Variants in MCTP1 observed in about 807,000 individuals in gnomAD.
The protein encoded by MCTP1 is multiple C2 and transmembrane domain containing 1, also known as multiple C2 and transmembrane domain-containing protein 1.
In MCTP1, 69 loss-of-function variants were observed where a neutral mutation model predicts 120.6. The observed-to-expected ratio is 0.57, with a 90% CI of 0.47 to 0.70. The LOEUF (loss-of-function observed/expected upper bound fraction) is 0.70, where lower values mean the gene tolerates loss of function less well. Ranked by LOEUF, MCTP1 falls within the 30% of genes least tolerant of loss-of-function variation. The probability of loss-of-function intolerance (pLI) is 0.00; values close to 1 mark genes in which losing one functional copy is unlikely to be tolerated. For missense variants in MCTP1, 1,203 were observed against 1,248.8 expected, an observed-to-expected ratio of 0.96 and a Z score of 0.55; for synonymous variants, 529 against 493.1, an observed-to-expected ratio of 1.07 and a Z score of -0.96.
intron 17 of MCTP1, among the ~76,000 whole-genome samples, chr5:94,862,207 G>C (rs1031270658): frequency 6.6e-6 from 1 of 151,598 alleles, no homozygotes. Context: ...GAAGAGCAGC[G>C]ATCATAGGAA....
intron 1 of MCTP1, among the ~76,000 whole-genome samples, chr5:95,169,357 C>CT (rs1347698281): frequency 6.6e-6 from 1 of 152,092 alleles, no homozygotes; most frequent in Non-Finnish European, 1.5e-5. Context: ...CTATAATTCT[C>CT]TTTTTTTGTG....
intron 1 of MCTP1, among the ~76,000 whole-genome samples, chr5:95,220,053 C>T (rs1753507751): frequency 6.6e-6 from 1 of 152,176 alleles, no homozygotes; most frequent in South Asian, 2.1e-4. Flanking sequence ...CTTGAACTAA[C>T]TTGCAAAGGT....
chr5:95,050,421 A>T (rs531472199), intron 1 of MCTP1, among the ~76,000 whole-genome samples: 1 of 152,142 alleles, frequency 6.6e-6, no homozygotes, highest in African/African-American at 2.4e-5. Flanking sequence ...TCTTCCTTTC[A>T]TCTTTATCTG....
intron 1 of MCTP1, among the ~76,000 whole-genome samples, chr5:95,040,370 G>C (rs371668811): frequency 6.6e-6 from 1 of 151,802 alleles, no homozygotes; most frequent in African/African-American, 2.4e-5. Context: ...CCTGAGAGGC[G>C]GAAGGTTGCA....
intron 10 of MCTP1, 29 bp downstream of exon 10, chr5:94,909,222 G>A: frequency 6.2e-7 from 1 of 1,610,434 alleles, no homozygotes; most frequent in Non-Finnish European, 8.5e-7. Context: ...TGCTCTAGGA[G>A]TGAACCAAAA....
chr5:95,250,769 TCTA>T (rs1454357660), intron 1 of MCTP1, among the ~76,000 whole-genome samples: 2 of 152,232 alleles, frequency 1.3e-5, no homozygotes, highest in East Asian at 3.8e-4. Flanking sequence ...ATTTTCATTT[TCTA>T]CTTTTTCCTT....
At chr5:94,827,753 G>A (rs1439277639) in intron 17 of MCTP1, among the ~76,000 whole-genome samples, 2 of 150,986 alleles carry the variant, frequency 1.3e-5, no homozygotes, top group African/African-American at 4.9e-5. Context: ...TGCTTGATTG[G>A]TTTTGGGATT....
chr5:95,235,110 ATAT>A (rs1755395539), intron 1 of MCTP1, among the ~76,000 whole-genome samples: 1 of 151,986 alleles, frequency 6.6e-6, no homozygotes, highest in South Asian at 2.1e-4. Flanking sequence ...TATAAAATTA[ATAT>A]TATTATCAGG....
chr5:95,172,470 A>T (rs564532275), intron 1 of MCTP1, among the ~76,000 whole-genome samples: 1 of 151,772 alleles, frequency 6.6e-6, no homozygotes, highest in African/African-American at 2.4e-5. Flanking sequence ...TACTTCTAAG[A>T]CTCCTTTCTG....
chr5:94,917,892 T>G lies in MCTP1; in HGVS notation c.1350+4A>C. 6.2e-7 allele frequency: 1 copy of G among 1,611,746 alleles called. No individual in the cohort carries two copies. The highest frequency in any genetic ancestry group is 8.5e-7 in the Non-Finnish European group (1 of 1,177,878). ...AAATAAATGAACTGAATGGTTGAAC[T>G]TACTTGTACATTTTTGCAATAAGGA... On this transcript the variant is annotated splice_donor_region_variant and intron_variant, in intron 8 of 22. Coordinates refer to ENST00000515393, the MANE Select transcript of MCTP1 (RefSeq NM_024717.7).
chr5:95,011,248 C>A (rs1206343828), intron 2 of MCTP1, among the ~76,000 whole-genome samples: 3 of 152,122 alleles, frequency 2.0e-5, no homozygotes, highest in African/African-American at 7.2e-5. Context: ...ATTTTGCCTA[C>A]TATTGTTACT....
chr5:95,053,551 A>G (rs1746568465), intron 1 of MCTP1, among the ~76,000 whole-genome samples: 1 of 152,222 alleles, frequency 6.6e-6, no homozygotes, highest in East Asian at 1.9e-4. Context: ...CCACGATTGC[A>G]GGCTATTGAC....
intron 17 of MCTP1, among the ~76,000 whole-genome samples, chr5:94,804,703 G>C (rs1473660538): frequency 6.6e-6 from 1 of 152,184 alleles, no homozygotes; most frequent in Non-Finnish European, 1.5e-5. Flanking sequence ...CTCCCAAAGT[G>C]CTGGGATTAC....
intron 19 of MCTP1, among the ~76,000 whole-genome samples, chr5:94,748,182 A>T (rs1344050156): frequency 6.6e-6 from 1 of 152,220 alleles, no homozygotes; most frequent in Admixed American, 6.5e-5. Flanking sequence ...TGTGGGTTTT[A>T]TTCCATCTTC....
At chr5:94,842,730 A>G (rs1791413846) in intron 17 of MCTP1, among the ~76,000 whole-genome samples, 1 of 152,244 alleles carries the variant, frequency 6.6e-6, no homozygotes, top group African/African-American at 2.4e-5. Flanking sequence ...AGGATATCAC[A>G]ACTGAGTATA....
chr5:95,098,259 T>C (rs1361690815), intron 1 of MCTP1, among the ~76,000 whole-genome samples: 3 of 152,334 alleles, frequency 2.0e-5, no homozygotes, highest in Middle Eastern at 3.4e-3. Flanking sequence ...TTTTAGTGTG[T>C]GTATGTTGTG....
chr5:95,051,155 A>G (rs1745805793), intron 1 of MCTP1, among the ~76,000 whole-genome samples: 1 of 152,194 alleles, frequency 6.6e-6, no homozygotes, highest in East Asian at 1.9e-4. Flanking sequence ...GAAAACTGAT[A>G]TATACAACAA....
At position 94,931,980 on chromosome 5, in the gene MCTP1, C is replaced by T. The variant is rs1457936089; in HGVS notation, c.1185G>A (p.Met395Ile). ...TACTTGATCTTTTCCAACTCTTCCT[C>T]ATTAGCATTGTCTGTAAATAAAATA... ...EGESRDVTML[M>I]RKSWKRSSKE... Residue 395 changes from methionine to isoleucine, a missense_variant, in exon 6 of 23, where the codon ATG (methionine) becomes ATA (isoleucine). Physicochemically the swap from Met to Ile is conservative, Grantham distance 10. Coordinates refer to ENST00000515393, the MANE Select transcript of MCTP1 (RefSeq NM_024717.7). 8 of 1,600,760 alleles carry T rather than the reference C, an allele frequency of 5.0e-6. No homozygotes were observed. Among genetic ancestry groups the T allele is most frequent in the Non-Finnish European group, 6.8e-6 (8 of 1,169,332 alleles).
At chr5:95,238,087 GA>G (rs1755751640) in intron 1 of MCTP1, among the ~76,000 whole-genome samples, 1 of 152,172 alleles carries the variant, frequency 6.6e-6, no homozygotes, top group Admixed American at 6.5e-5. Flanking sequence ...CGGAACAAGG[GA>G]AATTTGTTAG....
Sources: gnomAD v4.1 joint callset for allele counts (sites outside exome capture counted in the v4.1 genomes callset) on GRCh38, gnomAD v4.1.1 for gene constraint, MANE v1.5 for transcripts, NCBI Gene and HGNC (gene_info 2026-07-23, HGNC 2026-07-21) for gene names.